Variants in PRMT3 observed in about 807,000 individuals in gnomAD.
PRMT3 encodes protein arginine N-methyltransferase 3.
Under a neutral mutation model 71.9 loss-of-function variants are expected in PRMT3, and 62 were observed. That is an observed-to-expected ratio of 0.86 (90% CI 0.70 to 1.07). PRMT3 has a LOEUF of 1.07. Among genes scored for constraint, PRMT3 ranks in the 50% least tolerant of loss-of-function variants. The pLI, the probability that PRMT3 is intolerant of heterozygous loss-of-function variation, is 0.00. For synonymous variants in PRMT3, 213 were observed against 220.4 expected (o/e 0.97, Z 0.30); for missense variants, 663 against 643.0 (o/e 1.03, Z -0.34).
chr11:20,407,657 T>A (rs1329726990), intron 8 of PRMT3: 1 of 264,864 alleles, frequency 3.8e-6, no homozygotes, highest in East Asian at 7.8e-5. Context: ...AGATTATCTC[T>A]CTTCTGGAGT....
chr11:20,439,696 T>C (rs1318594378), intron 10 of PRMT3, among the ~76,000 whole-genome samples: 2 of 152,240 alleles, frequency 1.3e-5, no homozygotes, highest in Admixed American at 6.5e-5. Context: ...GAAGACATTG[T>C]AAAGATGTCA....
At chr11:20,409,603 G>T (rs957941876) in intron 9 of PRMT3, among the ~76,000 whole-genome samples, 9 of 149,308 alleles carry the variant, frequency 6.0e-5, no homozygotes, top group African/African-American at 2.2e-4. Context: ...ACTTGTTTAG[G>T]TTTTTCATAG....
In PRMT3 at chr11:20,458,101, G is replaced by C. The variant is rs187324434; in HGVS notation, c.1073-3879G>C. ...TTAATTCCCATTTGGTGACTTTCTA[G>C]TACATTTTCTTTTATGCATATCAAG... On this transcript the variant is annotated intron_variant, in intron 11 of 15. Coordinates refer to ENST00000331079, the MANE Select transcript of PRMT3 (RefSeq NM_005788.4). Among the ~76,000 whole-genome samples the C allele has an allele frequency of 1.1e-3, 168 of 152,010 alleles. 1 individual carries two copies. Among genetic ancestry groups the C allele is most frequent in the African/African-American group, 3.6e-3 (151 of 41,474 alleles).
chr11:20,409,453 T>C lies in PRMT3; in HGVS notation c.893+1421T>C, dbSNP rs1325491414. On this transcript the variant is annotated intron_variant, in intron 9 of 15. Coordinates refer to ENST00000331079, the MANE Select transcript of PRMT3 (RefSeq NM_005788.4). ...CTGTTGCCCAGCACATAGTAAATATTTTGAGGTGCATAAGTTCTAAGTAAG... is the reference window on the plus strand; with the variant it reads ...CTGTTGCCCAGCACATAGTAAATATCTTGAGGTGCATAAGTTCTAAGTAAG... 2.0e-5 allele frequency among the ~76,000 whole-genome samples: 3 copies of C among 152,164 alleles called. No homozygotes were observed. The East Asian group carries it at 5.8e-4, about 29-fold the overall frequency.
At chr11:20,471,051 T>C (rs1053898385) in intron 13 of PRMT3, among the ~76,000 whole-genome samples, 2 of 152,164 alleles carry the variant, frequency 1.3e-5, no homozygotes, top group Non-Finnish European at 2.9e-5. Context: ...GTTCCTGTTG[T>C]TTGCCCACTT....
intron 3 of PRMT3, among the ~76,000 whole-genome samples, chr11:20,390,063 A>G (rs879447161): frequency 6.6e-6 from 1 of 151,798 alleles, no homozygotes; most frequent in African/African-American, 2.4e-5. Flanking sequence ...AGGCAGGTGA[A>G]TTGCTTAAAC....
At chr11:20,410,516 T>G (rs1849172422) in intron 9 of PRMT3, among the ~76,000 whole-genome samples, 1 of 152,078 alleles carries the variant, frequency 6.6e-6, no homozygotes, top group South Asian at 2.1e-4. Flanking sequence ...GTTGTGTAAA[T>G]CTTATAATTT....
chr11:20,425,569 A>G (rs1849528326), intron 9 of PRMT3, among the ~76,000 whole-genome samples: 1 of 152,234 alleles, frequency 6.6e-6, no homozygotes, highest in African/African-American at 2.4e-5. Context: ...AGCAGTAGCA[A>G]GGAACAAACA....
intron 10 of PRMT3, among the ~76,000 whole-genome samples, chr11:20,442,412 C>G (rs1293022835): frequency 6.6e-6 from 1 of 151,938 alleles, no homozygotes; most frequent in Non-Finnish European, 1.5e-5. Flanking sequence ...TTTAAGATAA[C>G]AGGACATTCT....
chr11:20,462,376 C>T (rs562708620), intron 12 of PRMT3, among the ~76,000 whole-genome samples: 1 of 152,252 alleles, frequency 6.6e-6, no homozygotes, highest in Non-Finnish European at 1.5e-5. Context: ...AAACTCCTTA[C>T]ACTCAGTTTT....
intron 13 of PRMT3, among the ~76,000 whole-genome samples, chr11:20,489,727 T>G (rs890410903): frequency 6.6e-6 from 1 of 151,944 alleles, no homozygotes; most frequent in Non-Finnish European, 1.5e-5. Flanking sequence ...ACACTAATCA[T>G]AATTCATTTG....
intron 11 of PRMT3, among the ~76,000 whole-genome samples, chr11:20,456,613 G>T (rs572270795): frequency 2.0e-4 from 30 of 152,082 alleles, no homozygotes; most frequent in African/African-American, 6.8e-4. Context: ...CTGAGTCTTG[G>T]TCAGGTAAGG....
chr11:20,494,963 C>A (rs745811873), intron 15 of PRMT3, among the ~76,000 whole-genome samples: 16 of 152,136 alleles, frequency 1.1e-4, no homozygotes, highest in Admixed American at 4.6e-4. Flanking sequence ...GGCACAGTGG[C>A]TTATGCCTGT....
intron 10 of PRMT3, among the ~76,000 whole-genome samples, chr11:20,441,149 T>C (rs1041517061): frequency 5.9e-5 from 9 of 151,936 alleles, no homozygotes; most frequent in African/African-American, 1.9e-4. Context: ...CTAGAAGATA[T>C]TTTATGGTCG....
chr11:20,484,947 C>T (rs1775500048), intron 13 of PRMT3, among the ~76,000 whole-genome samples: 1 of 152,216 alleles, frequency 6.6e-6, no homozygotes, highest in Non-Finnish European at 1.5e-5. Context: ...ATTGGGGCTG[C>T]TTTTGCCCTA....
At chr11:20,506,774 ATAT>A in intron 15 of PRMT3, among the ~76,000 whole-genome samples, 1 of 152,308 alleles carries the variant, frequency 6.6e-6, no homozygotes, top group African/African-American at 2.4e-5. Flanking sequence ...TGTTATCTTA[ATAT>A]TATTTAAGCA....
intron 9 of PRMT3, among the ~76,000 whole-genome samples, chr11:20,419,150 A>G (rs1849372471): frequency 6.6e-6 from 1 of 152,226 alleles, no homozygotes; most frequent in African/African-American, 2.4e-5. Flanking sequence ...CACCTATAGT[A>G]TGTAACAGTT....
At chr11:20,459,644 T>C (rs1372311205) in intron 11 of PRMT3, among the ~76,000 whole-genome samples, 1 of 152,208 alleles carries the variant, frequency 6.6e-6, no homozygotes, top group African/African-American at 2.4e-5. Flanking sequence ...TCCTCTTTAA[T>C]GATGAAACGA....
intron 2 of PRMT3, among the ~76,000 whole-genome samples, chr11:20,389,147 A>G (rs184629803): frequency 1.6e-4 from 24 of 152,358 alleles, no homozygotes; most frequent in Non-Finnish European, 3.4e-4. Context: ...GATAAGGTAT[A>G]CAGCTTCTCT....
Sources: gnomAD v4.1 joint callset for allele counts (sites outside exome capture counted in the v4.1 genomes callset) on GRCh38, gnomAD v4.1.1 for gene constraint, MANE v1.5 for transcripts, NCBI Gene and HGNC (gene_info 2026-07-23, HGNC 2026-07-21) for gene names.